The following ANAPC7 variants were observed in gnomAD, a reference collection of about 807,000 sequenced individuals.
ANAPC7 encodes the protein anaphase-promoting complex subunit 7.
ANAPC7 carries 25 observed loss-of-function variants against 63.3 expected under a neutral mutation model. The ratio of observed to expected loss-of-function variants is 0.39; its 90% CI spans 0.29 to 0.55. ANAPC7 has a LOEUF of 0.55. ANAPC7 is among the 20% of genes least tolerant of loss of function. The probability of loss-of-function intolerance (pLI) is 0.57; values close to 1 mark genes in which losing one functional copy is unlikely to be tolerated. For missense variants in ANAPC7, 516 were observed against 691.7 expected, an observed-to-expected ratio of 0.75 and a Z score of 2.85; for synonymous variants, 241 against 251.7, an observed-to-expected ratio of 0.96 and a Z score of 0.40.
At chr12:110,382,471 T>C (rs1461508415) in intron 7 of ANAPC7, among the ~76,000 whole-genome samples, 1 of 124,826 alleles carries the variant, frequency 8.0e-6, no homozygotes, top group African/African-American at 3.2e-5. Context: ...AATATATATA[T>C]ATATATATAT....
chr12:110,377,179 CAACCAATTATAGGTGGTTGG>C (rs1745756372), intron 9 of ANAPC7, among the ~76,000 whole-genome samples, 194 bp downstream of exon 9: 2 of 150,450 alleles, frequency 1.3e-5, no homozygotes, highest in Non-Finnish European at 3.0e-5. Flanking sequence ...GAATAGATAC[CAACCAATTATAGGTGGTTGG>C]AACCAAGCCA....
At position 110,403,670 on chromosome 12, in the gene ANAPC7, G is replaced by T; in HGVS notation, c.-43C>A. The T allele has an allele frequency of 6.4e-7, 1 of 1,560,896 alleles. No homozygotes were observed. The highest frequency in any genetic ancestry group is 8.7e-7 in the Non-Finnish European group (1 of 1,151,878). ...CGGGCAGCGGCGGCAGCACTGACTC[G>T]AAAAGCCGGTAGAGGATCCTTAGGG... On this transcript the variant is annotated 5_prime_UTR_variant, in exon 1 of 11. Transcript: ENST00000455511.
At position 110,396,455 on chromosome 12, in the gene ANAPC7, A is replaced by G; in HGVS notation, c.102-3T>C. 10 of 1,586,408 alleles carry G rather than the reference A, an allele frequency of 6.3e-6. No individual in the cohort carries two copies. Among genetic ancestry groups the G allele is most frequent in the Non-Finnish European group, 8.5e-6 (10 of 1,169,694 alleles). On this transcript the variant is annotated splice_region_variant and splice_polypyrimidine_tract_variant and intron_variant, in intron 1 of 10. Transcript: ENST00000455511. ...TCTGAGGTGGGGAGAATAACTCACTAGAAAACAAGAGAAAATGTAATACAT... is the reference window on the plus strand; with the variant it reads ...TCTGAGGTGGGGAGAATAACTCACTGGAAAACAAGAGAAAATGTAATACAT...
chr12:110,385,302 C>G (rs1882357640), intron 6 of ANAPC7, among the ~76,000 whole-genome samples: 1 of 152,144 alleles, frequency 6.6e-6, no homozygotes, highest in African/African-American at 2.4e-5. Flanking sequence ...CTCTCCGCAG[C>G]CCCCGCTTTA....
At chr12:110,388,225 C>T (rs535902911) in intron 4 of ANAPC7, among the ~76,000 whole-genome samples, 2 of 151,996 alleles carry the variant, frequency 1.3e-5, no homozygotes, top group African/African-American at 2.4e-5. Flanking sequence ...TTAGTAGAGA[C>T]GGGGTTGTGC....
At chr12:110,395,359 G>C (rs1168537763) in intron 2 of ANAPC7, 139 bp from the exon 3 acceptor site, 1 of 797,126 alleles carries the variant, frequency 1.3e-6, no homozygotes, top group Non-Finnish European at 1.9e-6. Flanking sequence ...CTGTTGCCCA[G>C]GCTGCAATGC....
Position 110,373,940 on chromosome 12 carries a change from G to A in ANAPC7, c.*204C>T. 1 of 522,176 alleles carries A rather than the reference G, an allele frequency of 1.9e-6. No individual in the cohort carries two copies. The highest frequency in any genetic ancestry group is 3.2e-6 in the Non-Finnish European group (1 of 312,992). 32.3% of individuals were successfully genotyped at this position (522,176 alleles called of 1,614,324 possible). ...TCAGTCCTCCCTGGCTGGAGCAGGG[G>A]AGGATGGAGATACATGGAAGGTTGG... On this transcript the variant is annotated 3_prime_UTR_variant, in exon 11 of 11. Coordinates refer to ENST00000455511, the MANE Select transcript of ANAPC7 (RefSeq NM_016238.3).
At chr12:110,399,280 A>G (rs1440698625) in intron 1 of ANAPC7, among the ~76,000 whole-genome samples, 1 of 151,912 alleles carries the variant, frequency 6.6e-6, no homozygotes, top group Non-Finnish European at 1.5e-5. Flanking sequence ...TCAGCCTCCC[A>G]AAGTGCTGGG....
intron 7 of ANAPC7, among the ~76,000 whole-genome samples, chr12:110,382,605 C>G (rs1299088677): frequency 6.6e-6 from 1 of 150,996 alleles, no homozygotes; most frequent in African/African-American, 2.4e-5. Flanking sequence ...AAATCTCACT[C>G]TGCCGCCCAC....
In ANAPC7 at chr12:110,374,130, G is replaced by T; in HGVS notation, c.*14C>A. The T allele has an allele frequency of 6.2e-7, 1 of 1,600,356 alleles. No individual in the cohort carries two copies. On this transcript the variant is annotated 3_prime_UTR_variant, in exon 11 of 11. Coordinates refer to ENST00000455511, the MANE Select transcript of ANAPC7 (RefSeq NM_016238.3). ...AGCAGGGCAGGCCACTGCGGCCATG[G>T]AGCTGCCGCCCCCTCACTGCATGCC...
At chr12:110,390,499 C>T (rs1883004905) in intron 3 of ANAPC7, among the ~76,000 whole-genome samples, 3 of 152,124 alleles carry the variant, frequency 2.0e-5, no homozygotes, top group Admixed American at 2.0e-4. Flanking sequence ...GCTTGGTATG[C>T]CAGATATTTA....
chr12:110,390,200 C>G (rs999938830), intron 3 of ANAPC7, among the ~76,000 whole-genome samples: 70 of 151,838 alleles, frequency 4.6e-4, no homozygotes, highest in African/African-American at 1.7e-3. Context: ...TCCTGAGTAG[C>G]TGGGATTACA....
intron 3 of ANAPC7, among the ~76,000 whole-genome samples, chr12:110,394,794 C>T (rs1883427137): frequency 6.6e-6 from 1 of 151,692 alleles, no homozygotes; most frequent in Non-Finnish European, 1.5e-5. Flanking sequence ...TGCAGTGAGC[C>T]AGGATCACAA....
At chr12:110,377,021 C>T (rs1249294072) in intron 9 of ANAPC7, among the ~76,000 whole-genome samples, 1 of 151,356 alleles carries the variant, frequency 6.6e-6, no homozygotes, top group East Asian at 1.9e-4. Context: ...CCTGTAGTCC[C>T]AGCTACTCAG....
intron 1 of ANAPC7, 164 bp from the exon 2 acceptor site, chr12:110,396,616 T>G: frequency 4.0e-6 from 2 of 498,934 alleles, no homozygotes; most frequent in Non-Finnish European, 7.0e-6. Context: ...GTTCAAGTGA[T>G]TCTCCTTCCT....
chr12:110,376,964 A>C (rs975515449), intron 9 of ANAPC7, among the ~76,000 whole-genome samples: 4 of 151,410 alleles, frequency 2.6e-5, no homozygotes, highest in Non-Finnish European at 5.9e-5. Flanking sequence ...CTACTATAAA[A>C]AAAAATAATA....
At chr12:110,396,115 A>G in intron 2 of ANAPC7, 151 bp downstream of exon 2, 2 of 673,218 alleles carry the variant, frequency 3.0e-6, no homozygotes, top group Non-Finnish European at 5.1e-6. Flanking sequence ...GGCGGAGCTC[A>G]GGCAGTAATA....
rs1225631254 is a variant in ANAPC7, at chr12:110,377,432, C to G, written c.1318G>C (p.Asp440His). The G allele has an allele frequency of 6.2e-7, 1 of 1,614,166 alleles. No homozygotes were observed. The highest frequency in any genetic ancestry group is 1.1e-5 in the South Asian group (1 of 91,078). ...LLDKALTQRP[D>H]YIKAVVKKAE... ...TTTTTCACCACAGCCTTAATGTAAT[C>G]TGGCCTTTGGGTCAGGGCTTTATCT... Residue 440 changes from aspartate to histidine, a missense_variant, in exon 9 of 11, where the codon GAT becomes CAT. Physicochemically the swap from Asp to His is moderately conservative, Grantham distance 81. Around this residue, in one of 4 missense-constraint regions of ANAPC7, gnomAD observed 122 missense variants for 212.0 expected, o/e 0.58. Transcript: ENST00000455511.
intron 7 of ANAPC7, among the ~76,000 whole-genome samples, 179 bp from the exon 8 acceptor site, chr12:110,382,127 CTATT>C (rs1484064320): frequency 6.6e-6 from 1 of 151,826 alleles, no homozygotes; most frequent in Admixed American, 6.6e-5. Context: ...AAAAAATCCA[CTATT>C]TATTTTTAAG....
Sources: allele counts gnomAD v4.1 joint callset (sites outside exome capture counted in the v4.1 genomes callset), GRCh38; gene constraint gnomAD v4.1.1; regional missense constraint gnomAD v4.1.1; transcripts MANE v1.5; gene names NCBI Gene and HGNC (gene_info 2026-07-23, HGNC 2026-07-21).